Variants in USP24 observed in about 807,000 individuals in gnomAD.
The protein encoded by USP24 is ubiquitin specific peptidase 24.
USP24 carries 97 observed loss-of-function variants against 361.6 expected under a neutral mutation model. The ratio of observed to expected loss-of-function variants is 0.27; its 90% confidence interval spans 0.23 to 0.32. The LOEUF (loss-of-function observed/expected upper bound fraction) is 0.32. Ranked by LOEUF, USP24 falls within the 10% of genes least tolerant of loss-of-function variation. USP24 has a pLI of 1.00. For synonymous variants in USP24, 1,098 were observed against 1,124.6 expected (o/e 0.98, Z 0.47); for missense variants, 2,353 against 3,165.6 (o/e 0.74, Z 6.16).
intron 24 of USP24, among the ~76,000 whole-genome samples, chr1:55,140,323 C>A (rs1646853194): frequency 6.6e-6 from 1 of 152,078 alleles, no homozygotes; most frequent in African/African-American, 2.4e-5. Context: ...GATAAATGAA[C>A]CATTAAGGAA....
At position 55,209,724 on chromosome 1, in the gene USP24, C is replaced by T. The variant is rs183250402; in HGVS notation, c.324+5066G>A. Among the ~76,000 whole-genome samples the T allele has an allele frequency of 1.7e-3, 258 of 152,040 alleles. 2 individuals are homozygous for T. Among genetic ancestry groups the T allele is most frequent in the African/African-American group, 5.9e-3 (244 of 41,480 alleles). On this transcript the variant is annotated intron_variant, in intron 1 of 67. Coordinates refer to ENST00000294383, the MANE Select transcript of USP24 (RefSeq NM_015306.3). The stretch of plus-strand genomic sequence containing the variant: ...GAGTGCATGAGCTTTAATGCATGTA[C>T]GAAGGTGTTCTGAAATGGTTCCATC...
At chr1:55,144,898 C>A (rs950961397) in intron 20 of USP24, among the ~76,000 whole-genome samples, 2 of 152,186 alleles carry the variant, frequency 1.3e-5, no homozygotes, top group Non-Finnish European at 2.9e-5. Context: ...GGTGCCACTG[C>A]ACTCCAGCCT....
At position 55,177,107 on chromosome 1, in the gene USP24, AC is replaced by A. The variant is rs1323078276; in HGVS notation, c.491-665del. Among the ~76,000 whole-genome samples the A allele has an allele frequency of 6.9e-3, 1,022 of 148,810 alleles. 17 individuals are homozygous for A. Among genetic ancestry groups the A allele is most frequent in the African/African-American group, 0.025 (984 of 39,828 alleles). The stretch of plus-strand genomic sequence containing the variant: ...AAAATCAAAAACCAAAAAAAAAAAA[AC>A]AACAAAAACAAAAACAAAAACCAAA... On this transcript the variant is annotated intron_variant, in intron 2 of 67. Coordinates refer to ENST00000294383, the MANE Select transcript of USP24 (RefSeq NM_015306.3).
At chr1:55,157,503 A>G in intron 10 of USP24, 133 bp from the exon 11 acceptor site, 1 of 534,790 alleles carries the variant, frequency 1.9e-6, no homozygotes, top group East Asian at 3.3e-5. Context: ...CAGTTATAAG[A>G]AGTTAACAGA....
chr1:55,094,158 C>A, intron 51 of USP24, 71 bp from the exon 52 acceptor site: 1 of 1,468,134 alleles, frequency 6.8e-7, no homozygotes, highest in Non-Finnish European at 9.2e-7. Flanking sequence ...TAAGACTTGC[C>A]AAATTCACAT....
intron 45 of USP24, 106 bp from the exon 46 acceptor site, chr1:55,098,664 T>G: frequency 1.3e-6 from 1 of 776,626 alleles, no homozygotes; most frequent in Non-Finnish European, 2.2e-6. Flanking sequence ...AAACGCGTCA[T>G]TCTGGTAGTA....
chr1:55,143,744 T>A (rs1340863877), intron 21 of USP24, among the ~76,000 whole-genome samples: 1 of 152,082 alleles, frequency 6.6e-6, no homozygotes, highest in East Asian at 1.9e-4. Flanking sequence ...GCCACTGTGA[T>A]CCCAGGACGA....
intron 44 of USP24, among the ~76,000 whole-genome samples, chr1:55,100,526 A>G (rs1024498600): frequency 1.3e-5 from 2 of 152,192 alleles, no homozygotes; most frequent in African/African-American, 4.8e-5. Context: ...TCTTTATTTA[A>G]AGACATTAGT....
At chr1:55,188,945 CA>C (rs1179790333) in intron 1 of USP24, among the ~76,000 whole-genome samples, 103 of 93,436 alleles carry the variant, frequency 1.1e-3, no homozygotes, top group African/African-American at 5.2e-3. Flanking sequence ...GCCTGGACAA[CA>C]AGAGCAAAAC....
chr1:55,115,495 CAAAAAAAA>C (rs1165658382), intron 38 of USP24, among the ~76,000 whole-genome samples: 3 of 45,844 alleles, frequency 6.5e-5, no homozygotes, highest in African/African-American at 1.4e-4. Context: ...GACTCCGCCT[CAAAAAAAA>C]AAAAAAAAAA....
At position 55,214,848 on chromosome 1, in the gene USP24, G is replaced by A. The variant is rs1644945992; in HGVS notation, c.266C>T (p.Thr89Ile). 1.6e-6 allele frequency: 2 copies of A among 1,223,750 alleles called. No individual in the cohort carries two copies. The highest frequency in any genetic ancestry group is 2.1e-6 in the Non-Finnish European group (2 of 975,090). The allele number at this position is 1,223,750 out of a possible 1,614,324, so 75.8% of individuals were successfully genotyped here. Residue 89 changes from threonine (T) to isoleucine (I), a missense_variant, in exon 1 of 68, where the codon ACC becomes ATC. Coordinates refer to ENST00000294383, the MANE Select transcript of USP24 (RefSeq NM_015306.3). ...GGGGPSRGGSTGGGGGFDPPP... is the reference protein window; with the variant it reads ...GGGGPSRGGSIGGGGGFDPPP... ...GGGGTCGAAGCCGCCCCCGCCTCCG[G>A]TGCTCCCGCCGCGGGAGGGGCCGCC...
At position 55,101,579 on chromosome 1, in the gene USP24, A is replaced by T. The variant is rs1645636350; in HGVS notation, c.5145+5T>A. On this transcript the variant is annotated splice_donor_5th_base_variant and intron_variant, in intron 43 of 67. Transcript: ENST00000294383. ...GTACCAAAAAGGATAGAAAAAAGAA[A>T]TCACCTCAGGGAGCCCAGGTTGCAT... 1.2e-6 allele frequency: 2 copies of T among 1,604,546 alleles called. No individual in the cohort carries two copies. Among genetic ancestry groups the T allele is most frequent in the East Asian group, 4.5e-5 (2 of 44,644 alleles).
Position 55,072,374 on chromosome 1 carries a change from A to G in USP24, c.7632T>C (p.Ser2544=). Residue 2544 remains serine (S), a synonymous_variant, in exon 66 of 68, where the codon AGT becomes AGC. Transcript: ENST00000294383. ...CAGTTGATGTTTCATTAGAGACATT[A>G]CTCTGTGGTGTCCAGTAATGTTCTG... ...KMSEHYWTPQ[S]NVSNETSTGK... 6.2e-7 allele frequency: 1 copy of G among 1,613,642 alleles called. No individual in the cohort carries two copies. The highest frequency in any genetic ancestry group is 1.7e-5 in the Admixed American group (1 of 59,996).
chr1:55,108,863 T>A (rs1214105334), intron 39 of USP24, among the ~76,000 whole-genome samples: 1 of 152,234 alleles, frequency 6.6e-6, no homozygotes, highest in East Asian at 1.9e-4. Context: ...TAGATGGACA[T>A]GTAGTCCACC....
rs1451348994 is a variant in USP24 at position 55,066,708 on chromosome 1, G to GATGC, written c.*2333_*2336dup. On this transcript the variant is annotated 3_prime_UTR_variant, in exon 68 of 68. Coordinates refer to ENST00000294383, the MANE Select transcript of USP24 (RefSeq NM_015306.3). ...CTGGGATGCTTGTTTTCTTTCCCAG[G>GATGC]ATGCCTTCAACGGGCAGAATCGGCC... 1 of 152,166 alleles carries GATGC rather than the reference G, an allele frequency of 6.6e-6. No individual in the cohort carries two copies. 9.4% of individuals were successfully genotyped at this position (152,166 alleles called of 1,614,324 possible). A position where few individuals can be genotyped will look rare whatever the true frequency, so the allele number is the denominator to read the frequency against.
rs373767246 is a variant in USP24 at position 55,089,744 on chromosome 1, TA to T, written c.6555-5del. ...AATCCATTCTTCAGTATCAACCCTT[TA>T]AAAAAAAGCAGATACAGCAATGTTA... On this transcript the variant is annotated splice_polypyrimidine_tract_variant and splice_region_variant and intron_variant, in intron 54 of 67. Coordinates refer to ENST00000294383, the MANE Select transcript of USP24 (RefSeq NM_015306.3). The T allele has an allele frequency of 8.3e-5, 130 of 1,571,094 alleles. No homozygotes were observed. In the East Asian group the frequency reaches 1.5e-3, roughly 18 times the overall value.
chr1:55,077,237 A>G lies in USP24; in HGVS notation c.7378T>C (p.Leu2460=), dbSNP rs1194838697. Reference sequence around the variant, plus strand: ...GAGTCAGAACAGTTATGACTTACCAATATTTCATGAAGTAGTTGGAACGTA... The same window carrying G: ...GAGTCAGAACAGTTATGACTTACCAGTATTTCATGAAGTAGTTGGAACGTA... The part of the protein sequence containing the change: ...KNTFQLLHEI[L]VIEDPIQVER... The change falls in exon 62 of 68, where the codon TTG becomes CTG. Residue 2460 remains leucine, a splice_region_variant and synonymous_variant. Coordinates refer to ENST00000294383, the MANE Select transcript of USP24 (RefSeq NM_015306.3). 2 of 1,548,114 alleles carry G rather than the reference A, an allele frequency of 1.3e-6. No individual in the cohort carries two copies. Among genetic ancestry groups the G allele is most frequent in the African/African-American group, 1.4e-5 (1 of 73,938 alleles).
At chr1:55,101,809 T>G in intron 42 of USP24, 106 bp from the exon 43 acceptor site, 1 of 1,363,126 alleles carries the variant, frequency 7.3e-7, no homozygotes, top group Non-Finnish European at 9.6e-7. Context: ...GATTTACCCA[T>G]CCAGCATGTT....
rs1224253500 is a variant in USP24, at chr1:55,142,975, C to T, written c.2580+4G>A. 3 of 1,495,234 alleles carry T rather than the reference C, an allele frequency of 2.0e-6. No homozygotes were observed. The East Asian group carries it at 7.5e-5, about 37-fold the overall frequency. The allele number at this position is 1,495,234 out of a possible 1,614,324, so 92.6% of individuals were successfully genotyped here. On this transcript the variant is annotated splice_donor_region_variant and intron_variant, in intron 22 of 67. Coordinates refer to ENST00000294383, the MANE Select transcript of USP24 (RefSeq NM_015306.3). ...ATGGATAACTTCTTTCCTTAGATAC[C>T]TACCTTCTTTAATCTAGGATTTAGA...
Sources: allele counts gnomAD v4.1 joint callset (sites outside exome capture counted in the v4.1 genomes callset), GRCh38; gene constraint gnomAD v4.1.1; transcripts MANE v1.5; gene names NCBI Gene and HGNC (gene_info 2026-07-23, HGNC 2026-07-21).